Variants in STARD10 observed in about 807,000 individuals in gnomAD.
STARD10 encodes the protein START domain-containing protein 10.
Under a neutral mutation model 36.0 loss-of-function variants are expected in STARD10, and 24 were observed. The observed-to-expected ratio is 0.67, with a 90% CI of 0.48 to 0.94. The LOEUF (loss-of-function observed/expected upper bound fraction) is 0.94, where lower values mean the gene tolerates loss of function less well. Ranked by LOEUF, STARD10 falls within the 40% of genes least tolerant of loss-of-function variation. The pLI, the probability that STARD10 is intolerant of heterozygous loss-of-function variation, is 0.00. For missense variants in STARD10, 335 were observed against 396.6 expected (o/e 0.84, Z 1.32); for synonymous variants, 156 against 161.9 (o/e 0.96, Z 0.28).
At chr11:72,780,588 G>C (rs1314091856) in intron 2 of STARD10, 7 of 362,886 alleles carry the variant, frequency 1.9e-5, no homozygotes, top group Non-Finnish European at 1.6e-5. Flanking sequence ...CAGGAATCAG[G>C]GAGAGAAGGG....
At chr11:72,776,840 G>A (rs1002231496) in intron 2 of STARD10, among the ~76,000 whole-genome samples, 1 of 152,174 alleles carries the variant, frequency 6.6e-6, no homozygotes, top group African/African-American at 2.4e-5. Flanking sequence ...CTGAGCACTG[G>A]CTTTGGTGTC....
intron 2 of STARD10, among the ~76,000 whole-genome samples, chr11:72,778,116 A>C (rs550409286): frequency 6.6e-6 from 1 of 152,336 alleles, no homozygotes; most frequent in Non-Finnish European, 1.5e-5. Context: ...GAATAGGATG[A>C]TGAGAACAAC....
chr11:72,784,889 G>A (rs1372538560), intron 1 of STARD10, among the ~76,000 whole-genome samples: 1 of 152,232 alleles, frequency 6.6e-6, no homozygotes, highest in African/African-American at 2.4e-5. Flanking sequence ...ACAGGGCACT[G>A]GGCAGGCCTG....
chr11:72,781,333 G>C lies in STARD10; in HGVS notation c.-113-39C>G. Reference sequence around the variant, plus strand: ...TTGGGGACGGGAATCAGTGCGCTGGGGGCGCGGGTGGGGCTGTTCGGGGTC... The same window carrying C: ...TTGGGGACGGGAATCAGTGCGCTGGCGGCGCGGGTGGGGCTGTTCGGGGTC... On this transcript the variant is annotated intron_variant, in intron 1 of 6. Transcript: ENST00000334805. The surrounding 1 kb of genome is among the most constrained non-coding windows in gnomAD (Gnocchi z 4.7). The C allele has an allele frequency of 1.5e-6, 1 of 652,012 alleles. No homozygotes were observed. Among genetic ancestry groups the C allele is most frequent in the South Asian group, 1.9e-5 (1 of 53,112 alleles). 40.4% of individuals were successfully genotyped at this position (652,012 alleles called of 1,614,324 possible).
At position 72,781,774 on chromosome 11, in the gene STARD10, G is replaced by C. The variant is rs931762054; in HGVS notation, c.-113-480C>G. The C allele has an allele frequency of 1.3e-5, 2 of 149,480 alleles. No individual in the cohort carries two copies. The highest frequency in any genetic ancestry group is 3.0e-5 in the Non-Finnish European group (2 of 67,158). The allele number at this position is 149,480 out of a possible 1,614,324, so 9.3% of individuals were successfully genotyped here. A position where few individuals can be genotyped will look rare whatever the true frequency, so the allele number is the denominator to read the frequency against. The stretch of plus-strand genomic sequence containing the variant: ...GGGGCTCTGGTGGGAGGAGCAGTGG[G>C]TCCCGCCGCCCGGCCCCGCCCCGGG... On this transcript the variant is annotated intron_variant, in intron 1 of 6. Transcript: ENST00000334805. This position sits in a 1 kb window ranked among gnomAD's most constrained non-coding sequence, Gnocchi z 4.7.
intron 1 of STARD10, among the ~76,000 whole-genome samples, chr11:72,790,567 C>T (rs1476274874): frequency 6.6e-6 from 1 of 152,210 alleles, no homozygotes; most frequent in East Asian, 1.9e-4. Context: ...TGAGGGGAAA[C>T]GAGGACCAAG....
At chr11:72,792,302 G>A (rs991046754) in intron 1 of STARD10, among the ~76,000 whole-genome samples, 1 of 151,816 alleles carries the variant, frequency 6.6e-6, no homozygotes, top group Non-Finnish European at 1.5e-5. Flanking sequence ...TGATCCGCTC[G>A]CCTCAGCCTC....
intron 3 of STARD10, 62 bp downstream of exon 3, chr11:72,759,172 G>A (rs553155647): frequency 8.8e-6 from 14 of 1,585,534 alleles, no homozygotes; most frequent in African/African-American, 2.7e-5. Flanking sequence ...GGAAGAGGAG[G>A]CTTGGTGGGA....
At chr11:72,760,579 G>A (rs1167907760) in intron 2 of STARD10, among the ~76,000 whole-genome samples, 1 of 152,204 alleles carries the variant, frequency 6.6e-6, no homozygotes, top group African/African-American at 2.4e-5. Context: ...CATCTGGGTA[G>A]AAGACGGCCA....
intron 2 of STARD10, among the ~76,000 whole-genome samples, chr11:72,771,439 C>A (rs1424553778): frequency 6.6e-6 from 1 of 152,152 alleles, no homozygotes; most frequent in African/African-American, 2.4e-5. Flanking sequence ...AATGACCAGG[C>A]AATCCCTATG....
chr11:72,761,120 G>A (rs1858710285), intron 2 of STARD10, among the ~76,000 whole-genome samples: 1 of 152,006 alleles, frequency 6.6e-6, no homozygotes, highest in African/African-American at 2.4e-5. Flanking sequence ...AACCCATCAC[G>A]CCTTGGATAT....
chr11:72,755,163 C>A, intron 6 of STARD10, 21 bp from the exon 7 acceptor site: 1 of 1,602,204 alleles, frequency 6.2e-7, no homozygotes, highest in South Asian at 1.1e-5. Flanking sequence ...GCCGCCCCGC[C>A]GGGTCAGGGG....
intron 5 of STARD10, 98 bp from the exon 6 acceptor site, chr11:72,755,851 C>G: frequency 8.7e-7 from 1 of 1,146,090 alleles, no homozygotes; most frequent in Non-Finnish European, 1.2e-6. Context: ...AGGGAGGCCA[C>G]TGTCTTCCCC....
At chr11:72,786,349 C>A (rs1859070734) in intron 1 of STARD10, among the ~76,000 whole-genome samples, 1 of 151,136 alleles carries the variant, frequency 6.6e-6, no homozygotes, top group African/African-American at 2.4e-5. Flanking sequence ...AAGACTCTGT[C>A]TCCAGTTAAA....
chr11:72,769,956 T>C (rs1473003796), intron 2 of STARD10, among the ~76,000 whole-genome samples: 2 of 152,160 alleles, frequency 1.3e-5, no homozygotes, highest in Middle Eastern at 3.2e-3. Context: ...GCCAGAAATG[T>C]TCCTGCATTA....
chr11:72,769,261 TACTC>T (rs1327045376), intron 2 of STARD10, among the ~76,000 whole-genome samples: 1 of 150,980 alleles, frequency 6.6e-6, no homozygotes, highest in Non-Finnish European at 1.5e-5. Flanking sequence ...ATATATAAAA[TACTC>T]ACTGCTTATG....
At chr11:72,777,630 C>T (rs1171629984) in intron 2 of STARD10, among the ~76,000 whole-genome samples, 1 of 152,218 alleles carries the variant, frequency 6.6e-6, no homozygotes, top group Non-Finnish European at 1.5e-5. Context: ...GTCTCTTTTC[C>T]AGTATTCAGA....
At chr11:72,758,020 C>G in intron 4 of STARD10, 136 bp from the exon 5 acceptor site, 1 of 814,108 alleles carries the variant, frequency 1.2e-6, no homozygotes, top group Non-Finnish European at 2.1e-6. Context: ...CAGATCAGTC[C>G]TGATTCTGGG....
chr11:72,769,864 G>T (rs1302475799), intron 2 of STARD10, among the ~76,000 whole-genome samples: 1 of 152,200 alleles, frequency 6.6e-6, no homozygotes, highest in African/African-American at 2.4e-5. Context: ...CATCACAGAG[G>T]GTGGAGGGTT....
Sources: gnomAD v4.1 joint callset for allele counts (sites outside exome capture counted in the v4.1 genomes callset) on GRCh38, gnomAD v4.1.1 for gene constraint, Gnocchi (gnomAD v3.1) non-coding constraint, MANE v1.5 for transcripts, NCBI Gene and HGNC (gene_info 2026-07-23, HGNC 2026-07-21) for gene names.